The following ZEB2 variants were observed in gnomAD, a reference collection of about 807,000 sequenced individuals.
ZEB2 encodes zinc finger E-box-binding homeobox 2.
A neutral mutation model predicts 99.9 loss-of-function variants in ZEB2; 6 were observed. The ratio of observed to expected loss-of-function variants is 0.06; its 90% confidence interval spans 0.03 to 0.12. The LOEUF is 0.12. Ranked by LOEUF, ZEB2 falls within the 10% of genes least tolerant of loss-of-function variation. ZEB2 has a pLI of 1.00. For synonymous variants in ZEB2, 517 were observed against 542.5 expected (o/e 0.95, Z 0.65); for missense variants, 969 against 1,502.8 (o/e 0.64, Z 5.87).
chr2:144,412,044 C>A (rs760253745), intron 4 of ZEB2, among the ~76,000 whole-genome samples: 1 of 152,140 alleles, frequency 6.6e-6, no homozygotes, highest in Non-Finnish European at 1.5e-5. Flanking sequence ...CCGAGGTGGG[C>A]GGATCACCTG....
chr2:144,482,448 A>G (rs1018966365), intron 2 of ZEB2: 1 of 152,026 alleles, frequency 6.6e-6, no homozygotes, highest in South Asian at 2.1e-4. Flanking sequence ...AACCATGTTA[A>G]TTTCCTTTCT....
intron 7 of ZEB2, among the ~76,000 whole-genome samples, chr2:144,400,551 A>G (rs1320043035): frequency 6.6e-6 from 1 of 152,238 alleles, no homozygotes; most frequent in Non-Finnish European, 1.5e-5. Context: ...TCCTATTTAA[A>G]CAGAGTGTCA....
At chr2:144,397,407 CT>C (rs1355407836) in intron 8 of ZEB2, among the ~76,000 whole-genome samples, 1 of 152,222 alleles carries the variant, frequency 6.6e-6, no homozygotes, top group African/African-American at 2.4e-5. Flanking sequence ...CAGAGGTGCA[CT>C]GCTACTTATG....
At chr2:144,498,676 T>C (rs139203690) in intron 2 of ZEB2, among the ~76,000 whole-genome samples, 115 of 152,306 alleles carry the variant, frequency 7.6e-4, no homozygotes, top group African/African-American at 2.7e-3. Context: ...AGAGAAACGA[T>C]GGCATGCCAC....
At chr2:144,471,289 T>A (rs1177724848) in intron 2 of ZEB2, among the ~76,000 whole-genome samples, 1 of 152,124 alleles carries the variant, frequency 6.6e-6, no homozygotes, top group Non-Finnish European at 1.5e-5. Flanking sequence ...TATCCATTTT[T>A]TAAAGGGATG....
At chr2:144,401,822 C>T (rs2149878247) in intron 6 of ZEB2, among the ~76,000 whole-genome samples, 1 of 152,138 alleles carries the variant, frequency 6.6e-6, no homozygotes, top group South Asian at 2.1e-4. Context: ...AAAAAAAACC[C>T]AATCCCAAAC....
chr2:144,440,505 ATATATATATATTT>A (rs1388918454), intron 2 of ZEB2, among the ~76,000 whole-genome samples: 3 of 15,630 alleles, frequency 1.9e-4, no homozygotes, highest in African/African-American at 6.7e-4. Context: ...ATATATATAT[ATATATATATATTT>A]TTTTTTTTTT....
chr2:144,400,851 G>T (rs922428003), intron 7 of ZEB2, among the ~76,000 whole-genome samples: 12 of 152,112 alleles, frequency 7.9e-5, no homozygotes, highest in African/African-American at 2.6e-4. Context: ...TCATGGGTAG[G>T]TCTCAAAAAT....
chr2:144,507,143 G>T (rs1450723936), intron 2 of ZEB2, among the ~76,000 whole-genome samples: 2 of 152,112 alleles, frequency 1.3e-5, no homozygotes, highest in Non-Finnish European at 2.9e-5. Context: ...TTTTACACAG[G>T]ATTTAAAATT....
chr2:144,415,059 T>G (rs1387472045), intron 4 of ZEB2, among the ~76,000 whole-genome samples: 1 of 151,940 alleles, frequency 6.6e-6, no homozygotes, highest in Admixed American at 6.6e-5. Context: ...TGTTTTATTC[T>G]TACATTTTTT....
At position 144,520,081 on chromosome 2, in the gene ZEB2, G is replaced by T. The variant is rs1233057552; in HGVS notation, c.-212C>A. ...TACAAAAACCTCGCCAAGAGTGTCG[G>T]GAGGCAGGACCGTTATTCCTGCAGA... On this transcript the variant is annotated 5_prime_UTR_variant, in exon 1 of 10. Coordinates refer to ENST00000627532, the MANE Select transcript of ZEB2 (RefSeq NM_014795.4). 2.2e-6 allele frequency: 1 copy of T among 454,548 alleles called. No homozygotes were observed. Among genetic ancestry groups the T allele is most frequent in the Non-Finnish European group, 4.4e-6 (1 of 226,800 alleles). The allele number at this position is 454,548 out of a possible 1,614,324, so 28.2% of individuals were successfully genotyped here.
In ZEB2 at chr2:144,387,045, G is replaced by GTATATATA. The variant is rs143648355; in HGVS notation, c.*2398_*2405dup. 7 of 139,516 alleles carry GTATATATA rather than the reference G, an allele frequency of 5.0e-5. No homozygotes were observed. In the East Asian group the frequency reaches 1.1e-3, roughly 22 times the overall value. The allele number at this position is 139,516 out of a possible 1,614,324, so 8.6% of individuals were successfully genotyped here. On this transcript the variant is annotated 3_prime_UTR_variant, in exon 10 of 10. Coordinates refer to ENST00000627532, the MANE Select transcript of ZEB2 (RefSeq NM_014795.4). ...ATCCTTTCTGTGTATGTGTGTGTGT[G>GTATATATA]TATATATATATATATATACACACAC... is the stretch of plus-strand genomic sequence containing the variant.
intron 2 of ZEB2, among the ~76,000 whole-genome samples, chr2:144,435,599 T>TA (rs1271899949): frequency 0.054 from 7,202 of 134,598 alleles, 252 homozygotes; most frequent in Middle Eastern, 0.13. Flanking sequence ...ACCCTGTCTT[T>TA]AAAAAAAAAA....
At chr2:144,505,112 A>T in intron 2 of ZEB2, among the ~76,000 whole-genome samples, 1 of 151,872 alleles carries the variant, frequency 6.6e-6, no homozygotes. Context: ...ACCAGTAAAC[A>T]GGTTTTAGTC....
chr2:144,512,533 A>G (rs1348787044), intron 2 of ZEB2: 11 of 1,287,122 alleles, frequency 8.5e-6, no homozygotes, highest in East Asian at 5.5e-5. Flanking sequence ...ATAGCAGTTG[A>G]GCAGGGAACT....
At chr2:144,454,922 T>C (rs1704101171) in intron 2 of ZEB2, 1 of 152,152 alleles carries the variant, frequency 6.6e-6, no homozygotes, top group South Asian at 2.1e-4. Context: ...ACACCCTCTA[T>C]GCTAAATCTG....
chr2:144,444,171 T>G (rs1703953879), intron 2 of ZEB2, among the ~76,000 whole-genome samples: 1 of 152,218 alleles, frequency 6.6e-6, no homozygotes. Flanking sequence ...CGTAGAAACA[T>G]AAGACTTTGA....
chr2:144,500,997 T>A (rs1213800387), intron 2 of ZEB2, among the ~76,000 whole-genome samples: 1 of 151,622 alleles, frequency 6.6e-6, no homozygotes, highest in Non-Finnish European at 1.5e-5. Flanking sequence ...TCATTAAAGC[T>A]GTACCTCATT....
At position 144,479,169 on chromosome 2, in the gene ZEB2, G is replaced by A. The variant is rs1317087834; in HGVS notation, c.73+38109C>T. Among the ~76,000 whole-genome samples the A allele has an allele frequency of 5.9e-5, 9 of 152,218 alleles. No individual in the cohort carries two copies. The East Asian group carries it at 1.3e-3, about 23-fold the overall frequency. On this transcript the variant is annotated intron_variant, in intron 2 of 9. Coordinates refer to ENST00000627532, the MANE Select transcript of ZEB2 (RefSeq NM_014795.4). ...TACTTTTCTTTTGCTAAATTTTTATGATCTATTACCACTTGGGCTGCATTA... is the reference window on the plus strand; with the variant it reads ...TACTTTTCTTTTGCTAAATTTTTATAATCTATTACCACTTGGGCTGCATTA...
Sources: allele counts gnomAD v4.1 joint callset (sites outside exome capture counted in the v4.1 genomes callset), GRCh38; gene constraint gnomAD v4.1.1; transcripts MANE v1.5; gene names NCBI Gene and HGNC (gene_info 2026-07-23, HGNC 2026-07-21).